The following NUP58 variants were observed in gnomAD, a reference collection of about 807,000 sequenced individuals.
NUP58 encodes nucleoporin p58/p45.
In NUP58, 17 loss-of-function variants were observed where a neutral mutation model predicts 70.1. That is an observed-to-expected ratio of 0.24 (90% confidence interval 0.17 to 0.36). The LOEUF is 0.36. NUP58 is among the 10% of genes least tolerant of loss of function. The pLI is 1.00. For synonymous variants in NUP58, 275 were observed against 257.6 expected (o/e 1.07, Z -0.65); for missense variants, 644 against 701.5 (o/e 0.92, Z 0.93).
chr13:25,307,501 A>C (rs955730488), intron 1 of NUP58, among the ~76,000 whole-genome samples: 1 of 152,144 alleles, frequency 6.6e-6, no homozygotes, highest in African/African-American at 2.4e-5. Flanking sequence ...GGCATGAGCC[A>C]CCACACCCAG....
chr13:25,335,257 A>G (rs2031740261), intron 13 of NUP58: 1 of 985,344 alleles, frequency 1.0e-6, no homozygotes, highest in Non-Finnish European at 1.2e-6. Flanking sequence ...TGATGATTAG[A>G]AAAATCTTAT....
At chr13:25,316,924 T>C (rs184881034) in intron 6 of NUP58, among the ~76,000 whole-genome samples, 244 of 152,324 alleles carry the variant, frequency 1.6e-3, no homozygotes, top group Non-Finnish European at 2.7e-3. Flanking sequence ...TTTATAAATA[T>C]TTATGTACAC....
chr13:25,330,925 TTTTC>T (rs1240496119), intron 12 of NUP58, among the ~76,000 whole-genome samples: 1 of 152,154 alleles, frequency 6.6e-6, no homozygotes, highest in Non-Finnish European at 1.5e-5. Flanking sequence ...GCTGACTTTT[TTTTC>T]TTTCTTTTTT....
At chr13:25,339,910 T>A in intron 15 of NUP58, 55 bp from the exon 16 acceptor site, 1 of 1,442,998 alleles carries the variant, frequency 6.9e-7, no homozygotes, top group Non-Finnish European at 9.3e-7. Flanking sequence ...CCTGTTTTTA[T>A]ATTTGTTTTT....
At position 25,313,600 on chromosome 13, in the gene NUP58, C is replaced by G. The variant is rs12866994; in HGVS notation, c.437-14C>G. 1.4e-6 allele frequency: 2 copies of G among 1,474,836 alleles called. No homozygotes were observed. The highest frequency in any genetic ancestry group is 1.8e-6 in the Non-Finnish European group (2 of 1,120,120). 91.4% of individuals were successfully genotyped at this position (1,474,836 alleles called of 1,614,324 possible). ...AAGTTGCCTTTTGAAAGCTTACTATCTCTCTTTTTATAGCATCCACAGGAT... is the reference window on the plus strand; with the variant it reads ...AAGTTGCCTTTTGAAAGCTTACTATGTCTCTTTTTATAGCATCCACAGGAT... On this transcript the variant is annotated splice_polypyrimidine_tract_variant and intron_variant, in intron 4 of 15. Transcript: ENST00000381736.
At chr13:25,331,780 AT>A in intron 13 of NUP58, 1 of 1,376,936 alleles carries the variant, frequency 7.3e-7, no homozygotes, top group Non-Finnish European at 9.4e-7. Context: ...AATATTGTGA[AT>A]CTACTTAATG....
intron 13 of NUP58, 115 bp downstream of exon 13, chr13:25,331,673 C>A: frequency 6.8e-7 from 1 of 1,480,930 alleles, no homozygotes; most frequent in South Asian, 1.4e-5. Context: ...AGTAGCTGTT[C>A]CAATACAATC....
At position 25,320,612 on chromosome 13, in the gene NUP58, A is replaced by G; in HGVS notation, c.776+17A>G. The G allele has an allele frequency of 6.5e-7, 1 of 1,539,542 alleles. No individual in the cohort carries two copies. Among genetic ancestry groups the G allele is most frequent in the South Asian group, 1.1e-5 (1 of 88,718 alleles). ...AAATCTCCAGTAAGTGTCAAATATA[A>G]TTAGATAAATAACACTTGAAGAATT... On this transcript the variant is annotated intron_variant, in intron 8 of 15. Transcript: ENST00000381736.
intron 13 of NUP58, chr13:25,336,286 G>T: frequency 1.5e-6 from 2 of 1,340,918 alleles, no homozygotes; most frequent in Non-Finnish European, 2.0e-6. Context: ...AGTTGGAATT[G>T]TCATGTTACT....
chr13:25,311,146 A>G (rs533475514), intron 3 of NUP58, among the ~76,000 whole-genome samples: 3 of 152,352 alleles, frequency 2.0e-5, no homozygotes, highest in Non-Finnish European at 4.4e-5. Context: ...AGGCCCAGTC[A>G]TAAAAGCGTT....
chr13:25,333,080 T>C, intron 13 of NUP58: 7 of 985,308 alleles, frequency 7.1e-6, no homozygotes, highest in South Asian at 4.7e-5. Context: ...GAATATATTC[T>C]ATGATAAATA....
chr13:25,333,831 G>C, intron 13 of NUP58: 1 of 985,380 alleles, frequency 1.0e-6, no homozygotes, highest in Non-Finnish European at 1.2e-6. Flanking sequence ...GGTAGAGAGA[G>C]CTTATGCATT....
rs371748238 is a variant in NUP58 at position 25,309,247 on chromosome 13, G to T, written c.251G>T (p.Gly84Val). Residue 84 changes from glycine (G) to valine (V), a missense_variant and splice_region_variant, in exon 3 of 16, where the codon GGA becomes GTA. Physicochemically the swap from Gly to Val is moderately radical, Grantham distance 109 (BLOSUM62 -3). Coordinates refer to ENST00000381736, the MANE Select transcript of NUP58 (RefSeq NM_014089.4). The stretch of plus-strand genomic sequence containing the variant: ...ATTTTATTTCTCTTTTTGTCCCCAG[G>T]AATAGCAACAACTATAACTACAGGA... ...TGFTLGGTNTGIATTITTGLT... is the reference protein window; with the variant it reads ...TGFTLGGTNTVIATTITTGLT... 3.9e-5 allele frequency: 62 copies of T among 1,604,476 alleles called. No homozygotes were observed. The highest frequency in any genetic ancestry group is 5.0e-5 in the Non-Finnish European group (59 of 1,171,890).
intron 1 of NUP58, among the ~76,000 whole-genome samples, chr13:25,303,408 C>T (rs1489030705): frequency 6.6e-6 from 1 of 151,894 alleles, no homozygotes; most frequent in Non-Finnish European, 1.5e-5. Context: ...GAAAGATACC[C>T]TTACTTCATG....
At position 25,327,516 on chromosome 13, in the gene NUP58, A is replaced by G. The variant is rs1321048284; in HGVS notation, c.1233+4A>G. The G allele has an allele frequency of 1.9e-6, 3 of 1,590,454 alleles. No homozygotes were observed. The highest frequency in any genetic ancestry group is 1.7e-5 in the Admixed American group (1 of 59,112). On this transcript the variant is annotated splice_donor_region_variant and intron_variant, in intron 12 of 15. Transcript: ENST00000381736. ...GTCTATTCATGAAAATGTAAAGGTAAGTTTTCATTACCCATTTATCTACCT... is the reference window on the plus strand; with the variant it reads ...GTCTATTCATGAAAATGTAAAGGTAGGTTTTCATTACCCATTTATCTACCT...
chr13:25,335,564 A>T (rs1001715192), intron 13 of NUP58: 1 of 983,002 alleles, frequency 1.0e-6, no homozygotes, highest in African/African-American at 1.7e-5. Context: ...AGTGATCTCA[A>T]ACTGGATGTA....
At chr13:25,334,348 T>G in intron 13 of NUP58, 1 of 985,380 alleles carries the variant, frequency 1.0e-6, no homozygotes, top group Non-Finnish European at 1.2e-6. Flanking sequence ...CTTTAAGAGT[T>G]CTTGATGTTT....
intron 13 of NUP58, chr13:25,333,519 G>A (rs747741426): frequency 1.5e-5 from 15 of 985,120 alleles, no homozygotes; most frequent in South Asian, 4.7e-5. Flanking sequence ...CAGTGTTTTC[G>A]CTTTGAATTG....
intron 6 of NUP58, among the ~76,000 whole-genome samples, chr13:25,319,014 C>T (rs1411332803): frequency 6.6e-6 from 1 of 151,990 alleles, no homozygotes; most frequent in Non-Finnish European, 1.5e-5. Context: ...CATATATCTG[C>T]TTATGTGTAC....
Sources: gnomAD v4.1 joint callset for allele counts (sites outside exome capture counted in the v4.1 genomes callset) on GRCh38, gnomAD v4.1.1 for gene constraint, MANE v1.5 for transcripts, NCBI Gene and HGNC (gene_info 2026-07-23, HGNC 2026-07-21) for gene names.